The following RIC8B variants were observed in gnomAD, a reference collection of about 807,000 sequenced individuals.
RIC8B encodes RIC8 guanine nucleotide exchange factor B.
A neutral mutation model predicts 57.5 loss-of-function variants in RIC8B; 16 were observed. The observed-to-expected ratio is 0.28, with a 90% CI of 0.19 to 0.42. The LOEUF is 0.42. Among genes scored for constraint, RIC8B ranks in the 10% least tolerant of loss-of-function variants. The pLI is 1.00. For synonymous variants in RIC8B, 216 were observed against 250.8 expected (o/e 0.86, Z 1.31); for missense variants, 481 against 677.0 (o/e 0.71, Z 3.21).
chr12:106,800,517 G>T (rs1043574890), intron 2 of RIC8B, among the ~76,000 whole-genome samples: 1 of 152,068 alleles, frequency 6.6e-6, no homozygotes, highest in African/African-American at 2.4e-5. Context: ...TGAGATTGAG[G>T]GGGGACACAG....
chr12:106,871,119 C>T (rs1950384501), intron 9 of RIC8B, 177 bp downstream of exon 9: 5 of 480,424 alleles, frequency 1.0e-5, no homozygotes, highest in Non-Finnish European at 1.8e-5. Flanking sequence ...CTACATGTGC[C>T]GCTTCTGGAT....
intron 2 of RIC8B, among the ~76,000 whole-genome samples, chr12:106,809,779 A>G (rs2045249720): frequency 6.6e-6 from 1 of 152,090 alleles, no homozygotes; most frequent in South Asian, 2.1e-4. Context: ...ATAATGATCA[A>G]ATCAGGGTAA....
rs1194020642 is a variant in RIC8B at position 106,843,013 on chromosome 12, T to G, written c.1065+196T>G. On this transcript the variant is annotated intron_variant, in intron 5 of 9. Coordinates refer to ENST00000392837, the MANE Select transcript of RIC8B (RefSeq NM_001330145.2). ...AATTGCTGAAGCCATGTTAATTTATTTGTTTAATGCTGAAAATTATGTTCA... is the reference window on the plus strand; with the variant it reads ...AATTGCTGAAGCCATGTTAATTTATGTGTTTAATGCTGAAAATTATGTTCA... Among the ~76,000 whole-genome samples, 5 of 152,228 alleles carry G rather than the reference T, an allele frequency of 3.3e-5. No individual in the cohort carries two copies. In the East Asian group the frequency reaches 9.6e-4, roughly 29 times the overall value.
At chr12:106,774,873 C>T (rs1214882495) in intron 1 of RIC8B, 44 bp downstream of exon 1, 2 of 1,440,148 alleles carry the variant, frequency 1.4e-6, no homozygotes, top group Non-Finnish European at 1.9e-6. Flanking sequence ...CACCCCCGGG[C>T]CGCCCTCCGT....
chr12:106,781,585 A>G (rs553544202), intron 1 of RIC8B, among the ~76,000 whole-genome samples: 1 of 152,328 alleles, frequency 6.6e-6, no homozygotes, highest in South Asian at 2.1e-4. Flanking sequence ...ATATTTTCTA[A>G]TTAAGAGCAA....
At chr12:106,853,349 T>C (rs1234643509) in intron 7 of RIC8B, among the ~76,000 whole-genome samples, 1 of 151,572 alleles carries the variant, frequency 6.6e-6, no homozygotes, top group African/African-American at 2.4e-5. Context: ...TGCTCCCTCT[T>C]GGACCCAGTA....
chr12:106,845,780 T>C (rs1433425993), intron 6 of RIC8B, among the ~76,000 whole-genome samples: 1 of 152,200 alleles, frequency 6.6e-6, no homozygotes, highest in Non-Finnish European at 1.5e-5. Flanking sequence ...TACTCGTTTT[T>C]GACTCCTAAA....
In RIC8B at chr12:106,824,287, T is replaced by TGGGGAAACTGAGGCTCAGAGAAAC. The variant is rs2045991477; in HGVS notation, c.742-1438_742-1415dup. On this transcript the variant is annotated intron_variant, in intron 3 of 9. Transcript: ENST00000392837. Reference sequence around the variant, plus strand: ...ACCCTCCAGTATTTGGAGATTCATGTGGGGAAACTGAGGCTCAGAGAAACT... The same window carrying TGGGGAAACTGAGGCTCAGAGAAAC: ...ACCCTCCAGTATTTGGAGATTCATGTGGGGAAACTGAGGCTCAGAGAAACGGGGAAACTGAGGCTCAGAGAAACT... Among the ~76,000 whole-genome samples, 9 of 152,314 alleles carry TGGGGAAACTGAGGCTCAGAGAAAC rather than the reference T, an allele frequency of 5.9e-5. No individual in the cohort carries two copies. The South Asian group carries it at 1.9e-3, about 32-fold the overall frequency.
At chr12:106,868,638 T>C (rs1279005345) in intron 8 of RIC8B, among the ~76,000 whole-genome samples, 1 of 152,054 alleles carries the variant, frequency 6.6e-6, no homozygotes, top group Non-Finnish European at 1.5e-5. Flanking sequence ...TCTTGACTTT[T>C]AGGAAATACG....
intron 9 of RIC8B, 23 bp from the exon 10 acceptor site, chr12:106,885,877 TTCTC>T (rs779669089): frequency 2.1e-5 from 31 of 1,478,226 alleles, no homozygotes; most frequent in Non-Finnish European, 2.9e-5. Context: ...ATACTTTTTT[TTCTC>T]TCTCTTTTAT....
intron 8 of RIC8B, among the ~76,000 whole-genome samples, chr12:106,863,954 G>T (rs1950036242): frequency 6.6e-6 from 1 of 152,046 alleles, no homozygotes; most frequent in Non-Finnish European, 1.5e-5. Flanking sequence ...TGGTATTCCT[G>T]TATGTATATA....
At chr12:106,868,907 T>C (rs1950266280) in intron 8 of RIC8B, among the ~76,000 whole-genome samples, 1 of 150,884 alleles carries the variant, frequency 6.6e-6, no homozygotes, top group African/African-American at 2.4e-5. Flanking sequence ...CAAGCTTTTT[T>C]CAAAGTTTCT....
intron 9 of RIC8B, among the ~76,000 whole-genome samples, chr12:106,875,289 G>A (rs1454711304): frequency 7.2e-5 from 11 of 152,024 alleles, no homozygotes; most frequent in Non-Finnish European, 1.5e-4. Flanking sequence ...TTAATGTGAG[G>A]GCAGAGATGG....
At chr12:106,885,870 C>CT (rs754167847) in intron 9 of RIC8B, 34 bp from the exon 10 acceptor site, 25 of 1,432,990 alleles carry the variant, frequency 1.7e-5, no homozygotes, top group East Asian at 9.1e-5. Context: ...CTGGTGAATA[C>CT]TTTTTTTTCT....
At position 106,872,973 on chromosome 12, in the gene RIC8B, G is replaced by T. The variant is rs1253776171; in HGVS notation, c.1571+2031G>T. The T allele has an allele frequency of 4.2e-6, 4 of 946,532 alleles. No individual in the cohort carries two copies. In the African/African-American group the frequency reaches 5.3e-5, roughly 13 times the overall value. The allele number at this position is 946,532 out of a possible 1,614,324, so 58.6% of individuals were successfully genotyped here. A position where few individuals can be genotyped will look rare whatever the true frequency, so the allele number is the denominator to read the frequency against. On this transcript the variant is annotated intron_variant, in intron 9 of 9. Coordinates refer to ENST00000392837, the MANE Select transcript of RIC8B (RefSeq NM_001330145.2). Reference sequence around the variant, plus strand: ...AATAGAGGAACTACCATTTCATAAGGCATCTCTATCACAGGCACAGAAAAC... The same window carrying T: ...AATAGAGGAACTACCATTTCATAAGTCATCTCTATCACAGGCACAGAAAAC...
chr12:106,852,400 G>T (rs1418667180), intron 7 of RIC8B, among the ~76,000 whole-genome samples: 1 of 152,114 alleles, frequency 6.6e-6, no homozygotes, highest in Non-Finnish European at 1.5e-5. Flanking sequence ...ATTTGGAGAT[G>T]GAAAAGTTCA....
At chr12:106,804,074 G>C (rs549311896) in intron 2 of RIC8B, among the ~76,000 whole-genome samples, 6 of 152,202 alleles carry the variant, frequency 3.9e-5, no homozygotes, top group African/African-American at 1.2e-4. Flanking sequence ...TAAAACATAT[G>C]ATAATACTGT....
At chr12:106,851,672 G>A (rs2136467445) in intron 7 of RIC8B, 78 bp downstream of exon 7, 2 of 1,217,726 alleles carry the variant, frequency 1.6e-6, no homozygotes, top group Non-Finnish European at 2.3e-6. Context: ...TGTTAGTACT[G>A]GTCGTCTCAT....
chr12:106,871,481 AAAAAAAAAAAAAAAAAAC>A (rs1950403578), intron 9 of RIC8B: 1 of 139,974 alleles, frequency 7.1e-6, no homozygotes, highest in African/African-American at 2.7e-5. Flanking sequence ...TAAAAAAAAA[AAAAAAAAAAAAAAAAAAC>A]CAAAAAACTC....
Sources: allele counts gnomAD v4.1 joint callset (sites outside exome capture counted in the v4.1 genomes callset), GRCh38; gene constraint gnomAD v4.1.1; transcripts MANE v1.5; gene names NCBI Gene and HGNC (gene_info 2026-07-23, HGNC 2026-07-21).